Variants in IKZF5 observed in about 807,000 individuals in gnomAD.
The protein encoded by IKZF5 is IKAROS family zinc finger 5.
A neutral mutation model predicts 30.7 loss-of-function variants in IKZF5; 4 were observed. The ratio of observed to expected loss-of-function variants is 0.13; its 90% CI spans 0.06 to 0.30. The LOEUF is 0.30. Among genes scored for constraint, IKZF5 ranks in the 10% least tolerant of loss-of-function variants. The pLI is 1.00. For synonymous variants in IKZF5, 148 were observed against 179.6 expected, an observed-to-expected ratio of 0.82 and a Z score of 1.41; for missense variants, 348 against 525.5, an observed-to-expected ratio of 0.66 and a Z score of 3.30.
rs1167158734 is a variant in IKZF5 at position 122,994,683 on chromosome 10, A to G, written c.357T>C (p.Ser119=). 1 of 1,611,182 alleles carries G rather than the reference A, an allele frequency of 6.2e-7. No homozygotes were observed. Among genetic ancestry groups the G allele is most frequent in the South Asian group, 1.1e-5 (1 of 90,166 alleles). The part of the protein sequence containing the change: ...PHRCHLCPFA[S]AYERHLEAHM... The stretch of plus-strand genomic sequence containing the variant: ...GGGCTTCCAGATGACGCTCATAAGC[A>G]GATGCAAATGGACAAAGATGACATC... The change falls in exon 5 of 5, where the codon TCT becomes TCC. Residue 119 remains serine (S), a synonymous_variant. Coordinates refer to ENST00000368886, the MANE Select transcript of IKZF5 (RefSeq NM_001372123.1). This position sits in a 1 kb window ranked among gnomAD's most constrained non-coding sequence, Gnocchi z 5.6.
At position 122,994,784 on chromosome 10, in the gene IKZF5, C is replaced by T; in HGVS notation, c.317-61G>A. ...AGTAGTTCATTTATGGAAAGTTTTG[C>T]TTGTCCATTCATTGGACAACTGGAA... is the stretch of plus-strand genomic sequence containing the variant. On this transcript the variant is annotated intron_variant, in intron 4 of 4. Transcript: ENST00000368886. This position sits in a 1 kb window ranked among gnomAD's most constrained non-coding sequence, Gnocchi z 5.6. 1 of 1,360,832 alleles carries T rather than the reference C, an allele frequency of 7.3e-7. No homozygotes were observed. Among genetic ancestry groups the T allele is most frequent in the Non-Finnish European group, 1.0e-6 (1 of 995,230 alleles). 84.3% of individuals were successfully genotyped at this position (1,360,832 alleles called of 1,614,324 possible).
Position 122,993,917 on chromosome 10 carries a change from C to T in IKZF5, c.1123G>A (p.Asp375Asn). Reference protein sequence around the residue: ...HCQHCDMYFADNILYTIHMGC... With the variant: ...HCQHCDMYFANNILYTIHMGC... Reference sequence around the variant, plus strand: ...ATATGAATAGTGTAAAGGATGTTGTCTGCAAAGTACATATCACAGTGCTGG... The same window carrying T: ...ATATGAATAGTGTAAAGGATGTTGTTTGCAAAGTACATATCACAGTGCTGG... The change falls in exon 5 of 5, where the codon GAC becomes AAC. Residue 375 changes from aspartate to asparagine, a missense_variant. Around this residue, in one of 4 missense-constraint regions of IKZF5, gnomAD observed 56 missense variants for 104.7 expected, o/e 0.53. Coordinates refer to ENST00000368886, the MANE Select transcript of IKZF5 (RefSeq NM_001372123.1). 6.2e-7 allele frequency: 1 copy of T among 1,614,142 alleles called. No individual in the cohort carries two copies. Among genetic ancestry groups the T allele is most frequent in the South Asian group, 1.1e-5 (1 of 91,078 alleles).
chr10:123,006,128 G>A (rs1049436206), intron 2 of IKZF5, among the ~76,000 whole-genome samples: 1 of 152,124 alleles, frequency 6.6e-6, no homozygotes, highest in African/African-American at 2.4e-5. Flanking sequence ...TATTATTCAA[G>A]GCTCAAAATC....
In IKZF5 at chr10:122,994,055, C is replaced by T. The variant is rs765935858; in HGVS notation, c.985G>A (p.Gly329Ser). The change falls in exon 5 of 5, where the codon GGT (glycine) becomes AGT (serine). Residue 329 changes from glycine to serine, a missense_variant. Physicochemically the swap from Gly to Ser is moderately conservative, Grantham distance 56 (BLOSUM62 0). Around this residue, in one of 4 missense-constraint regions of IKZF5, gnomAD observed 176 missense variants for 198.2 expected, o/e 0.89. Coordinates refer to ENST00000368886, the MANE Select transcript of IKZF5 (RefSeq NM_001372123.1). This position sits in a 1 kb window ranked among gnomAD's most constrained non-coding sequence, Gnocchi z 5.6. ...HSQRNYSPVAGPSSEPSAHTS... is the reference protein window; with the variant it reads ...HSQRNYSPVASPSSEPSAHTS... ...TGGGCACTTGGCTCACTGCTTGGAC[C>T]TGCCACTGGACTATAGTTCCTTTGA... is the stretch of plus-strand genomic sequence containing the variant. 6.2e-7 allele frequency: 1 copy of T among 1,614,116 alleles called. No individual in the cohort carries two copies. Among genetic ancestry groups the T allele is most frequent in the Non-Finnish European group, 8.5e-7 (1 of 1,180,042 alleles).
intron 2 of IKZF5, among the ~76,000 whole-genome samples, chr10:123,001,181 T>C (rs758143511): frequency 6.6e-6 from 1 of 152,072 alleles, no homozygotes; most frequent in Non-Finnish European, 1.5e-5. Context: ...AATTTTTTTG[T>C]ATTTTTAGTA....
In IKZF5 at chr10:123,008,750, C is replaced by T. The variant is rs1849930200; in HGVS notation, c.-254G>A. 3 of 595,508 alleles carry T rather than the reference C, an allele frequency of 5.0e-6. No individual in the cohort carries two copies. Among genetic ancestry groups the T allele is most frequent in the Middle Eastern group, 4.4e-4 (1 of 2,248 alleles). The allele number at this position is 595,508 out of a possible 1,614,324, so 36.9% of individuals were successfully genotyped here. On this transcript the variant is annotated 5_prime_UTR_variant, in exon 1 of 5. Coordinates refer to ENST00000368886, the MANE Select transcript of IKZF5 (RefSeq NM_001372123.1). ...GCCTTGTTAAATGCCGTCGCCGCCG[C>T]CGCCGTCTTCGTCACCGTCACAGTC...
chr10:123,005,474 T>C (rs1849746938), intron 2 of IKZF5, among the ~76,000 whole-genome samples: 1 of 152,242 alleles, frequency 6.6e-6, no homozygotes, highest in Admixed American at 6.5e-5. Flanking sequence ...TATGATATCA[T>C]GTCATCTGAA....
At chr10:122,996,718 C>G (rs921127197) in intron 3 of IKZF5, among the ~76,000 whole-genome samples, 9 of 151,888 alleles carry the variant, frequency 5.9e-5, no homozygotes, top group Admixed American at 3.9e-4. Context: ...ACAAAGAAAA[C>G]AAAATTACTT....
intron 3 of IKZF5, 155 bp downstream of exon 3, chr10:122,998,338 A>G (rs1344618553): frequency 3.5e-6 from 2 of 579,426 alleles, no homozygotes; most frequent in African/African-American, 1.9e-5. Flanking sequence ...CAGAAGTCTG[A>G]TATGTTTAAA....
At chr10:123,003,587 G>A (rs1027735040) in intron 2 of IKZF5, among the ~76,000 whole-genome samples, 11 of 152,168 alleles carry the variant, frequency 7.2e-5, no homozygotes, top group African/African-American at 2.4e-4. Context: ...AAAGCATATT[G>A]TGACATGTAT....
intron 2 of IKZF5, among the ~76,000 whole-genome samples, chr10:123,000,206 C>G (rs528897636): frequency 2.0e-5 from 3 of 152,176 alleles, no homozygotes; most frequent in South Asian, 2.1e-4. Context: ...CCAGAAACCC[C>G]CCTCGTGTAC....
At chr10:123,004,925 C>T (rs985327207) in intron 2 of IKZF5, among the ~76,000 whole-genome samples, 6 of 151,964 alleles carry the variant, frequency 3.9e-5, no homozygotes, top group Non-Finnish European at 7.4e-5. Flanking sequence ...GTAGAGTCTT[C>T]GGCTCAAAAC....
At chr10:123,007,552 C>T (rs890943314) in intron 1 of IKZF5, among the ~76,000 whole-genome samples, 1 of 152,146 alleles carries the variant, frequency 6.6e-6, no homozygotes, top group African/African-American at 2.4e-5. Context: ...ATAAAAACAA[C>T]GCATAGTCCT....
At chr10:123,000,638 G>C (rs1266848820) in intron 2 of IKZF5, among the ~76,000 whole-genome samples, 1 of 152,158 alleles carries the variant, frequency 6.6e-6, no homozygotes, top group Non-Finnish European at 1.5e-5. Flanking sequence ...TGTCAAATAG[G>C]TTTTCAAAGT....
Position 123,008,674 on chromosome 10 carries a change from G to A in IKZF5, c.-198+20C>T. On this transcript the variant is annotated intron_variant, in intron 1 of 4. Coordinates refer to ENST00000368886, the MANE Select transcript of IKZF5 (RefSeq NM_001372123.1). ...GTCCTGCCGCGTCGCCGCCGTCCGA[G>A]CCGGCAGCCTGCTACTTACCTCCTG... 2 of 413,428 alleles carry A rather than the reference G, an allele frequency of 4.8e-6. No individual in the cohort carries two copies. Among genetic ancestry groups the A allele is most frequent in the Non-Finnish European group, 9.1e-6 (2 of 218,696 alleles). The allele number at this position is 413,428 out of a possible 1,614,324, so 25.6% of individuals were successfully genotyped here.
chr10:123,004,709 AT>A (rs980132743), intron 2 of IKZF5, among the ~76,000 whole-genome samples: 1 of 152,134 alleles, frequency 6.6e-6, no homozygotes, highest in Admixed American at 6.5e-5. Flanking sequence ...TTAAATTAGA[AT>A]TTTAAATATA....
In IKZF5 at chr10:122,993,901, G is replaced by A; in HGVS notation, c.1139C>T (p.Thr380Ile). The A allele has an allele frequency of 6.2e-7, 1 of 1,613,982 alleles. No homozygotes were observed. The highest frequency in any genetic ancestry group is 8.5e-7 in the Non-Finnish European group (1 of 1,179,858). ...DMYFADNILY[T>I]IHMGCHGYEN... ...ATACCCATGACATCCCATATGAATAGTGTAAAGGATGTTGTCTGCAAAGTA... is the reference window on the plus strand; with the variant it reads ...ATACCCATGACATCCCATATGAATAATGTAAAGGATGTTGTCTGCAAAGTA... Residue 380 changes from threonine (T) to isoleucine (I), a missense_variant, in exon 5 of 5, where the codon ACT becomes ATT. By Grantham distance (89) the Thr-to-Ile change is moderately conservative. Coordinates refer to ENST00000368886, the MANE Select transcript of IKZF5 (RefSeq NM_001372123.1).
rs117422506 is a variant in IKZF5 at position 123,003,693 on chromosome 10, C to T, written c.-47+3333G>A. 9.4e-3 allele frequency among the ~76,000 whole-genome samples: 1,426 copies of T among 152,290 alleles called. 15 individuals are homozygous for T. The highest frequency in any genetic ancestry group is 0.014 in the Non-Finnish European group (984 of 68,016). ...TGGTTATAACTTAGATTTTAAAATT[C>T]TCACCACCCCTGATTCCGTTATTCC... On this transcript the variant is annotated intron_variant, in intron 2 of 4. Coordinates refer to ENST00000368886, the MANE Select transcript of IKZF5 (RefSeq NM_001372123.1).
chr10:123,002,722 A>G (rs1438416548), intron 2 of IKZF5, among the ~76,000 whole-genome samples: 1 of 146,026 alleles, frequency 6.8e-6, no homozygotes, highest in Non-Finnish European at 1.5e-5. Flanking sequence ...CAGGAGGTGG[A>G]GGCTGCAGTA....
Sources: gnomAD v4.1 joint callset for allele counts (sites outside exome capture counted in the v4.1 genomes callset) on GRCh38, gnomAD v4.1.1 for gene constraint, gnomAD v4.1.1 regional missense constraint, Gnocchi (gnomAD v3.1) non-coding constraint, MANE v1.5 for transcripts, NCBI Gene and HGNC (gene_info 2026-07-23, HGNC 2026-07-21) for gene names.